PSMG2: variants seen among roughly 807,000 people sequenced by gnomAD.
PSMG2 encodes the protein CD40 ligand-activated specific transcript 3.
In PSMG2, 21 loss-of-function variants were observed where a neutral mutation model predicts 31.5. The ratio of observed to expected loss-of-function variants is 0.67; its 90% confidence interval spans 0.47 to 0.96. PSMG2 has a LOEUF of 0.96. Among genes scored for constraint, PSMG2 ranks in the 40% least tolerant of loss-of-function variants. The pLI, the probability that PSMG2 is intolerant of heterozygous loss-of-function variation, is 0.00. For missense variants in PSMG2, 318 were observed against 321.2 expected (o/e 0.99, Z 0.08); for synonymous variants, 120 against 110.4 (o/e 1.09, Z -0.54).
intron 1 of PSMG2, among the ~76,000 whole-genome samples, chr18:12,683,580 A>G (rs2039429078): frequency 1.3e-5 from 2 of 151,938 alleles, no homozygotes; most frequent in African/African-American, 4.8e-5. Flanking sequence ...GTGAAACCCC[A>G]TCTCTACTAA....
At chr18:12,689,462 C>A (rs1390810058) in intron 1 of PSMG2, among the ~76,000 whole-genome samples, 1 of 152,222 alleles carries the variant, frequency 6.6e-6, no homozygotes, top group Non-Finnish European at 1.5e-5. Flanking sequence ...AACCTTCATA[C>A]TGTTTACAAA....
At chr18:12,710,612 T>C (rs372671177) in intron 2 of PSMG2, among the ~76,000 whole-genome samples, 43 of 152,308 alleles carry the variant, frequency 2.8e-4, no homozygotes, top group African/African-American at 9.9e-4. Context: ...ACCTTCTGAT[T>C]TGTCTGATTA....
intron 1 of PSMG2, chr18:12,679,439 C>T (rs1030713975): frequency 2.0e-5 from 3 of 152,142 alleles, no homozygotes; most frequent in Admixed American, 6.6e-5. Context: ...GCACGAAGCA[C>T]ACTAGCAGGC....
chr18:12,697,282 C>A (rs751112066), intron 1 of PSMG2: 1 of 1,613,966 alleles, frequency 6.2e-7, no homozygotes, highest in Non-Finnish European at 8.5e-7. Flanking sequence ...CAAAACCGAT[C>A]GCCATTCCAG....
At chr18:12,685,001 T>C (rs934698419) in intron 1 of PSMG2, 5 of 152,042 alleles carry the variant, frequency 3.3e-5, no homozygotes, top group African/African-American at 1.2e-4. Context: ...AATTTTGTAC[T>C]GCCATTTTCT....
chr18:12,689,576 TTAAG>T (rs2039673329), intron 1 of PSMG2, among the ~76,000 whole-genome samples: 2 of 141,994 alleles, frequency 1.4e-5, no homozygotes, highest in African/African-American at 2.5e-5. Context: ...AGGAAGTCGT[TTAAG>T]TAATATTTCC....
intron 1 of PSMG2, among the ~76,000 whole-genome samples, chr18:12,673,794 T>G (rs1050596022): frequency 6.6e-6 from 1 of 151,896 alleles, no homozygotes; most frequent in African/African-American, 2.4e-5. Flanking sequence ...GGCAGGAGAA[T>G]CGCTTGAATC....
At chr18:12,678,696 C>T (rs539070506) in intron 1 of PSMG2, among the ~76,000 whole-genome samples, 1 of 152,166 alleles carries the variant, frequency 6.6e-6, no homozygotes, top group Admixed American at 6.6e-5. Context: ...AGGCCGGATG[C>T]GGTAGTCCCA....
chr18:12,701,196 A>G, upstream of PSMG2: 1 of 958,402 alleles, frequency 1.0e-6, no homozygotes, highest in Non-Finnish European at 1.6e-6. Context: ...TCTCCAGCTA[A>G]CAGTAAATGC....
intron 2 of PSMG2, 34 bp downstream of exon 2, chr18:12,706,755 C>T (rs2145133604): frequency 6.5e-7 from 1 of 1,549,512 alleles, no homozygotes. Context: ...TTTTCCACTA[C>T]AAAGTAGAGT....
chr18:12,723,686 C>T (rs2040450871), intron 5 of PSMG2, among the ~76,000 whole-genome samples: 1 of 152,134 alleles, frequency 6.6e-6, no homozygotes, highest in African/African-American at 2.4e-5. Context: ...GCCAGCGCGC[C>T]CAGCCTGTAT....
chr18:12,695,180 T>A, intron 1 of PSMG2: 1 of 554,384 alleles, frequency 1.8e-6, no homozygotes, highest in Non-Finnish European at 3.0e-6. Flanking sequence ...AATAGAGTGC[T>A]TTCTAGGATC....
intron 1 of PSMG2, 136 bp downstream of exon 1, chr18:12,703,300 C>G (rs751576531): frequency 9.2e-7 from 1 of 1,087,334 alleles, no homozygotes; most frequent in African/African-American, 1.6e-5. Flanking sequence ...CCGGAAAAAA[C>G]AGGGAGGTTG....
Position 12,703,939 on chromosome 18 carries a change from C to T in PSMG2, c.57+775C>T, listed in dbSNP as rs566159648. 4.6e-5 allele frequency among the ~76,000 whole-genome samples: 7 copies of T among 152,232 alleles called. No homozygotes were observed. The East Asian group carries it at 1.3e-3, about 29-fold the overall frequency. Reference sequence around the variant, plus strand: ...AGACTGCCAAGAATTTGGAATGACACATTGAGAGAGAATAGGCTGTAGGCC... The same window carrying T: ...AGACTGCCAAGAATTTGGAATGACATATTGAGAGAGAATAGGCTGTAGGCC... On this transcript the variant is annotated intron_variant, in intron 1 of 6. Coordinates refer to ENST00000317615, the MANE Select transcript of PSMG2 (RefSeq NM_020232.5).
chr18:12,660,384 C>T (rs957391730), intron 1 of PSMG2, among the ~76,000 whole-genome samples: 1 of 150,544 alleles, frequency 6.6e-6, no homozygotes, highest in Non-Finnish European at 1.5e-5. Context: ...GTCAGTGCCG[C>T]GATTTCAGCT....
rs1345409084 is a variant in PSMG2, at chr18:12,660,320, A to T, written c.-37+1547A>T. Reference sequence around the variant, plus strand: ...CCCTCTAATCAATGGAAAAAGATGCATTTTTTTTTTTTTTTTAATTGAGAC... The same window carrying T: ...CCCTCTAATCAATGGAAAAAGATGCTTTTTTTTTTTTTTTTTAATTGAGAC... On this transcript the variant is annotated intron_variant, in intron 1 of 6. Transcript: ENST00000585331. Among the ~76,000 whole-genome samples the T allele has an allele frequency of 1.8e-4, 25 of 142,142 alleles. 1 individual carries two copies. In the South Asian group the frequency reaches 2.0e-3, roughly 12 times the overall value. The allele number at this position is 142,142 out of a possible 152,430, so 93.3% of individuals were successfully genotyped here. A position where few individuals can be genotyped will look rare whatever the true frequency, so the allele number is the denominator to read the frequency against.
chr18:12,662,066 G>T, intron 1 of PSMG2: 1 of 374,496 alleles, frequency 2.7e-6, no homozygotes, highest in Non-Finnish European at 5.3e-6. Flanking sequence ...ATACTCTGGA[G>T]GTACTGGCTG....
chr18:12,671,827 A>C (rs2038954702), intron 1 of PSMG2, among the ~76,000 whole-genome samples: 2 of 151,742 alleles, frequency 1.3e-5, no homozygotes, highest in Admixed American at 1.3e-4. Context: ...ACTTATAAAA[A>C]ACATTTTTTT....
At chr18:12,677,762 C>T (rs2039195011) in intron 1 of PSMG2, among the ~76,000 whole-genome samples, 1 of 152,128 alleles carries the variant, frequency 6.6e-6, no homozygotes, top group Admixed American at 6.6e-5. Context: ...CCCAGCCTAA[C>T]CCAGGATTTT....
Sources: gnomAD v4.1 joint callset for allele counts (sites outside exome capture counted in the v4.1 genomes callset) on GRCh38, gnomAD v4.1.1 for gene constraint, MANE v1.5 for transcripts, NCBI Gene and HGNC (gene_info 2026-07-23, HGNC 2026-07-21) for gene names.